The following PTER variants were observed in gnomAD, a reference collection of about 807,000 sequenced individuals.
The protein encoded by PTER is N-acetyltaurine hydrolase.
Under a neutral mutation model 29.6 loss-of-function variants are expected in PTER, and 38 were observed. The ratio of observed to expected loss-of-function variants is 1.28; its 90% CI spans 0.99 to 1.68. The LOEUF is 1.68. Ranked by LOEUF, PTER falls within the 40% of genes most tolerant of loss-of-function variation. The pLI is 0.00. For missense variants in PTER, 482 were observed against 427.8 expected (o/e 1.13, Z -1.12); for synonymous variants, 172 against 154.5 (o/e 1.11, Z -0.84).
chr10:16,454,420 C>G (rs571571225), intron 1 of PTER, among the ~76,000 whole-genome samples: 4 of 151,766 alleles, frequency 2.6e-5, no homozygotes, highest in Non-Finnish European at 4.4e-5. Context: ...ACTAAAAATA[C>G]AAAAAATTAG....
rs182958635 is a variant in PTER at position 16,437,706 on chromosome 10, C to T, written c.-49+659C>T. On this transcript the variant is annotated intron_variant, in intron 1 of 4. Coordinates refer to ENST00000535784, the MANE Select transcript of PTER (RefSeq NM_001261836.2). The stretch of plus-strand genomic sequence containing the variant: ...GTGCACTCTTGCTTAATCCACTCTG[C>T]AGCCCTGTGAAGGATTCTAGTGATA... Among the ~76,000 whole-genome samples the T allele has an allele frequency of 2.0e-5, 3 of 152,308 alleles. No individual in the cohort carries two copies. In the East Asian group the frequency reaches 5.8e-4, roughly 29 times the overall value.
intron 4 of PTER, among the ~76,000 whole-genome samples, chr10:16,507,201 C>CATATATATATATATATATATATAT (rs55959560): frequency 6.4e-4 from 90 of 140,406 alleles, no homozygotes; most frequent in African/African-American, 2.2e-3. Flanking sequence ...GTGGGTGGAG[C>CATATATATATATATATATATATAT]ATATATATAT....
chr10:16,455,218 G>T (rs562086772), intron 1 of PTER, among the ~76,000 whole-genome samples: 1 of 151,904 alleles, frequency 6.6e-6, no homozygotes. Context: ...GACAGAGAGA[G>T]ACCCTGTCTC....
At chr10:16,438,587 G>C (rs1266568721) in intron 1 of PTER, among the ~76,000 whole-genome samples, 2 of 150,658 alleles carry the variant, frequency 1.3e-5, no homozygotes, top group Non-Finnish European at 3.0e-5. Context: ...AGGATTACAG[G>C]CGTGAGCCAC....
At chr10:16,517,614 G>A (rs189892060), downstream of PTER, among the ~76,000 whole-genome samples, 2 of 152,254 alleles carry the variant, frequency 1.3e-5, no homozygotes, top group Non-Finnish European at 2.9e-5. Flanking sequence ...AATATGCACT[G>A]TCATGGGCTT....
At chr10:16,507,329 G>A (rs181236411) in intron 4 of PTER, among the ~76,000 whole-genome samples, 4 of 151,790 alleles carry the variant, frequency 2.6e-5, no homozygotes, top group African/African-American at 4.8e-5. Flanking sequence ...TAACATGATC[G>A]GAGTGGGAAA....
intron 3 of PTER, among the ~76,000 whole-genome samples, chr10:16,497,376 C>G (rs1038134781): frequency 2.8e-5 from 3 of 106,916 alleles, no homozygotes; most frequent in Non-Finnish European, 5.7e-5. Flanking sequence ...TTTATTTGTA[C>G]TTCAATGTTT....
chr10:16,489,191 A>G (rs989576666), intron 3 of PTER, among the ~76,000 whole-genome samples: 10 of 152,160 alleles, frequency 6.6e-5, no homozygotes, highest in African/African-American at 2.2e-4. Flanking sequence ...AACGGAATCA[A>G]TCTGTCACTT....
chr10:16,484,340 A>T lies in PTER; in HGVS notation c.-45A>T. 6.7e-7 allele frequency: 1 copy of T among 1,491,518 alleles called. No homozygotes were observed. Among genetic ancestry groups the T allele is most frequent in the Non-Finnish European group, 9.0e-7 (1 of 1,108,190 alleles). 92.4% of individuals were successfully genotyped at this position (1,491,518 alleles called of 1,614,324 possible). A position where few individuals can be genotyped will look rare whatever the true frequency, so the allele number is the denominator to read the frequency against. ...TTGTTTGTTTGTTTGTTTTTAGAAA[A>T]AAGAAATCCTCTTTTTAGAACATCT... On this transcript the variant is annotated 5_prime_UTR_variant, in exon 2 of 5. Transcript: ENST00000535784.
intron 1 of PTER, among the ~76,000 whole-genome samples, chr10:16,478,124 G>C (rs1367818027): frequency 2.0e-5 from 3 of 152,202 alleles, no homozygotes; most frequent in African/African-American, 7.2e-5. Context: ...AAGGCATTGA[G>C]TGTGGAACCT....
At position 16,505,440 on chromosome 10, in the gene PTER, T is replaced by C. The variant is rs115548843; in HGVS notation, c.839+280T>C. Among the ~76,000 whole-genome samples, 955 of 152,240 alleles carry C rather than the reference T, an allele frequency of 6.3e-3. 5 individuals are homozygous for C. The highest frequency in any genetic ancestry group is 0.022 in the African/African-American group (924 of 41,530). ...CACAGATAATACCCAACCCCTGCCA[T>C]GAAAATCAGAGAACAAAAGACATTT... On this transcript the variant is annotated intron_variant, in intron 4 of 4. Coordinates refer to ENST00000535784, the MANE Select transcript of PTER (RefSeq NM_001261836.2).
intron 3 of PTER, among the ~76,000 whole-genome samples, chr10:16,488,730 A>T (rs191818853): frequency 8.6e-5 from 13 of 151,992 alleles, no homozygotes; most frequent in Non-Finnish European, 1.3e-4. Context: ...CAGCCTCCCA[A>T]GAAGCTGGGA....
intron 1 of PTER, among the ~76,000 whole-genome samples, chr10:16,472,409 GT>G (rs1424297825): frequency 1.3e-5 from 2 of 152,054 alleles, no homozygotes; most frequent in African/African-American, 2.4e-5. Flanking sequence ...CACGGGGGCG[GT>G]TTCCCCCATA....
intron 1 of PTER, among the ~76,000 whole-genome samples, chr10:16,476,750 A>T (rs558644847): frequency 2.7e-4 from 41 of 151,278 alleles, no homozygotes; most frequent in African/African-American, 9.2e-4. Flanking sequence ...TTTTGTAGAG[A>T]CAAGGTGTTG....
At position 16,513,334 on chromosome 10, in the gene PTER, C is replaced by T. The variant is rs1278142663; in HGVS notation, c.*2078C>T. ...ATGTTTGTGTGTGTATATATGCATA[C>T]ACTTTTTTATATTAAAATTTTGAGG... On this transcript the variant is annotated 3_prime_UTR_variant, in exon 5 of 5. Coordinates refer to ENST00000535784, the MANE Select transcript of PTER (RefSeq NM_001261836.2). 6.6e-6 allele frequency: 1 copy of T among 152,372 alleles called. No homozygotes were observed. Among genetic ancestry groups the T allele is most frequent in the Non-Finnish European group, 1.5e-5 (1 of 67,956 alleles). 9.4% of individuals were successfully genotyped at this position (152,372 alleles called of 1,614,324 possible). A position where few individuals can be genotyped will look rare whatever the true frequency, so the allele number is the denominator to read the frequency against.
At chr10:16,476,540 G>T (rs1835270226) in intron 1 of PTER, among the ~76,000 whole-genome samples, 1 of 152,078 alleles carries the variant, frequency 6.6e-6, no homozygotes, top group Admixed American at 6.6e-5. Context: ...AGAAAACACT[G>T]GAGCCAAGAC....
Position 16,449,994 on chromosome 10 carries a change from T to G in PTER, c.-49+12947T>G, listed in dbSNP as rs184013945. On this transcript the variant is annotated intron_variant, in intron 1 of 4. Coordinates refer to ENST00000535784, the MANE Select transcript of PTER (RefSeq NM_001261836.2). ...CTGAGTTGCAACATTAAATGCAGAA[T>G]CCCTGCTTAGTGGGCCCAAATCAGT... Among the ~76,000 whole-genome samples the G allele has an allele frequency of 4.6e-5, 7 of 152,302 alleles. No individual in the cohort carries two copies. The East Asian group carries it at 1.2e-3, about 25-fold the overall frequency.
intron 1 of PTER, among the ~76,000 whole-genome samples, chr10:16,442,142 C>T (rs950328603): frequency 3.9e-5 from 6 of 152,128 alleles, no homozygotes; most frequent in East Asian, 1.9e-4. Flanking sequence ...AAGCCCATTG[C>T]GACCACAAAA....
chr10:16,505,244 C>A, intron 4 of PTER, 84 bp downstream of exon 4: 1 of 1,518,432 alleles, frequency 6.6e-7, no homozygotes, highest in South Asian at 1.3e-5. Context: ...AGCAAAGATT[C>A]AGAAAACAGT....
Sources: allele counts gnomAD v4.1 joint callset (sites outside exome capture counted in the v4.1 genomes callset), GRCh38; gene constraint gnomAD v4.1.1; transcripts MANE v1.5; gene names NCBI Gene and HGNC (gene_info 2026-07-23, HGNC 2026-07-21).